The following CPSF4 variants were observed in gnomAD, a reference collection of about 807,000 sequenced individuals.
CPSF4 encodes the protein cleavage and polyadenylation specificity factor subunit 4.
Under a neutral mutation model 37.7 loss-of-function variants are expected in CPSF4, and 11 were observed. The observed-to-expected ratio is 0.29, with a 90% confidence interval of 0.18 to 0.48. The LOEUF is 0.48. Among genes scored for constraint, CPSF4 ranks in the 20% least tolerant of loss-of-function variants. CPSF4 has a pLI of 0.99. For missense variants in CPSF4, 144 were observed against 359.5 expected, an observed-to-expected ratio of 0.40 and a Z score of 4.85; for synonymous variants, 132 against 135.9, an observed-to-expected ratio of 0.97 and a Z score of 0.20.
intron 7 of CPSF4, among the ~76,000 whole-genome samples, chr7:99,456,043 C>G (rs1168002598): frequency 6.6e-6 from 1 of 152,246 alleles, no homozygotes; most frequent in Non-Finnish European, 1.5e-5. Context: ...GGCTTGGTCC[C>G]CAGACGGGGT....
intron 1 of CPSF4, chr7:99,441,575 CTT>C: frequency 2.2e-6 from 1 of 455,572 alleles, no homozygotes; most frequent in South Asian, 1.6e-5. Context: ...AGAACTGTCA[CTT>C]TGCCCATAAG....
chr7:99,439,069 C>T lies in CPSF4; in HGVS notation c.-14C>T. 2 of 1,570,716 alleles carry T rather than the reference C, an allele frequency of 1.3e-6. No homozygotes were observed. The highest frequency in any genetic ancestry group is 1.7e-6 in the Non-Finnish European group (2 of 1,155,040). On this transcript the variant is annotated 5_prime_UTR_variant, in exon 1 of 8. Transcript: ENST00000292476. The stretch of plus-strand genomic sequence containing the variant: ...CCGAGGGGGAGCCGGGCCGGTGGGG[C>T]CGCCGCCGCCGCCATGCAGGAAATC...
intron 1 of CPSF4, 25 bp downstream of exon 1, chr7:99,439,210 G>A (rs1225339296): frequency 1.3e-6 from 2 of 1,554,338 alleles, no homozygotes; most frequent in Admixed American, 1.8e-5. Context: ...CGGGCGGGAG[G>A]GCAAGAGCGA....
chr7:99,442,819 T>C (rs1179653864), intron 1 of CPSF4: 37 of 867,588 alleles, frequency 4.3e-5, no homozygotes, highest in Non-Finnish European at 6.3e-5. Context: ...TTAGTATATA[T>C]GTGACCAAGA....
intron 7 of CPSF4, among the ~76,000 whole-genome samples, chr7:99,455,796 C>T (rs1180625395): frequency 2.6e-5 from 4 of 152,230 alleles, no homozygotes; most frequent in Non-Finnish European, 5.9e-5. Context: ...GCTCCCCTTA[C>T]CCAAGTCTAA....
At chr7:99,442,215 A>C (rs879920340) in intron 1 of CPSF4, among the ~76,000 whole-genome samples, 5 of 152,204 alleles carry the variant, frequency 3.3e-5, no homozygotes, top group Admixed American at 6.5e-5. Context: ...TCTGATGCCA[A>C]GGTCAGTTTA....
At chr7:99,451,386 C>T (rs1223865469) in intron 5 of CPSF4, among the ~76,000 whole-genome samples, 1 of 152,196 alleles carries the variant, frequency 6.6e-6, no homozygotes. Context: ...GAAGGCGGAT[C>T]ACGAGGTCAG....
Position 99,456,555 on chromosome 7 carries a change from A to G in CPSF4, c.*55A>G. On this transcript the variant is annotated 3_prime_UTR_variant, in exon 8 of 8. Transcript: ENST00000292476. ...GGGGGCCCCGCTGTTGGGAGTGTGC[A>G]TTTAACTGTTTCATGCGCTTGTTGG... 1 of 1,471,946 alleles carries G rather than the reference A, an allele frequency of 6.8e-7. No individual in the cohort carries two copies. The allele number at this position is 1,471,946 out of a possible 1,614,324, so 91.2% of individuals were successfully genotyped here.
Position 99,448,054 on chromosome 7 carries a change from T to C in CPSF4, c.155-67T>C. ...TAGGAAGTGAAGGTACCTCAGCTTC[T>C]TCAGGCCGTGTCCCCCAGGCTCAGG... On this transcript the variant is annotated intron_variant, in intron 2 of 7. Coordinates refer to ENST00000292476, the MANE Select transcript of CPSF4 (RefSeq NM_006693.4). The surrounding 1 kb of genome is among the most constrained non-coding windows in gnomAD (Gnocchi z 4.4). 1.3e-6 allele frequency: 2 copies of C among 1,556,426 alleles called. No individual in the cohort carries two copies. Among genetic ancestry groups the C allele is most frequent in the South Asian group, 1.2e-5 (1 of 85,996 alleles).
In CPSF4 at chr7:99,441,493, C is replaced by T. The variant is rs957264586; in HGVS notation, c.103+2308C>T. ...ACTCGCTGCTTGTCCATATCCTGTT[C>T]AGTTAAAGCCTAGTGAGGCCACAGC... is the stretch of plus-strand genomic sequence containing the variant. On this transcript the variant is annotated intron_variant, in intron 1 of 7. Transcript: ENST00000292476. 8 of 456,278 alleles carry T rather than the reference C, an allele frequency of 1.8e-5. No individual in the cohort carries two copies. The Admixed American group carries it at 1.9e-4, about 11-fold the overall frequency. 28.3% of individuals were successfully genotyped at this position (456,278 alleles called of 1,614,324 possible).
rs1248792408 is a variant in CPSF4 at position 99,450,779 on chromosome 7, T to C, written c.481T>C (p.Ser161Pro). 6.2e-7 allele frequency: 1 copy of C among 1,613,390 alleles called. No homozygotes were observed. Among genetic ancestry groups the C allele is most frequent in the Admixed American group, 1.7e-5 (1 of 60,026 alleles). The change falls in exon 5 of 8, where the codon TCG (serine) becomes CCG (proline). Residue 161 changes from serine to proline, a missense_variant. This residue lies in a region of CPSF4 where 86 missense variants were observed against 141.5 expected (regional missense o/e 0.61). Coordinates refer to ENST00000292476, the MANE Select transcript of CPSF4 (RefSeq NM_006693.4). ...YLVGFCPEGPSCKFMHPRFEL... is the reference protein window; with the variant it reads ...YLVGFCPEGPPCKFMHPRFEL... ...CGTGGGATTCTGCCCGGAGGGGCCCTCGTGTAAATTCATGCAGTGAGTAGC... is the reference window on the plus strand; with the variant it reads ...CGTGGGATTCTGCCCGGAGGGGCCCCCGTGTAAATTCATGCAGTGAGTAGC...
chr7:99,456,234 C>G (rs1194358813), intron 7 of CPSF4, among the ~76,000 whole-genome samples, 198 bp from the exon 8 acceptor site: 1 of 152,226 alleles, frequency 6.6e-6, no homozygotes, highest in African/African-American at 2.4e-5. Context: ...AGTTTCTGCA[C>G]CACTGCACTT....
chr7:99,443,379 G>A lies in CPSF4; in HGVS notation c.104-1410G>A, dbSNP rs1797193712. 7.9e-6 allele frequency: 11 copies of A among 1,400,136 alleles called. No homozygotes were observed. In the Admixed American group the frequency reaches 1.7e-4, roughly 21 times the overall value. 86.7% of individuals were successfully genotyped at this position (1,400,136 alleles called of 1,614,324 possible). A position where few individuals can be genotyped will look rare whatever the true frequency, so the allele number is the denominator to read the frequency against. ...CTCTTCAGCATGTTCTTCAAGATAT[G>A]CCTGGAGTCTGTGGATAAGATCTTG... is the stretch of plus-strand genomic sequence containing the variant. On this transcript the variant is annotated intron_variant, in intron 1 of 7. Coordinates refer to ENST00000292476, the MANE Select transcript of CPSF4 (RefSeq NM_006693.4).
At chr7:99,442,305 C>T (rs928373464) in intron 1 of CPSF4, among the ~76,000 whole-genome samples, 5 of 152,086 alleles carry the variant, frequency 3.3e-5, no homozygotes, top group African/African-American at 1.2e-4. Flanking sequence ...CAGCACACTC[C>T]GACTGTGGGA....
intron 1 of CPSF4, among the ~76,000 whole-genome samples, chr7:99,440,235 C>T (rs1796772799): frequency 6.6e-6 from 1 of 151,400 alleles, no homozygotes; most frequent in Non-Finnish European, 1.5e-5. Flanking sequence ...TGTGCTGTCG[C>T]CCACAACTAC....
At chr7:99,456,165 C>T (rs1456371113) in intron 7 of CPSF4, among the ~76,000 whole-genome samples, 2 of 152,224 alleles carry the variant, frequency 1.3e-5, no homozygotes, top group African/African-American at 2.4e-5. Flanking sequence ...AAGAGCAGGT[C>T]GCTAGCAGGT....
intron 7 of CPSF4, among the ~76,000 whole-genome samples, chr7:99,455,006 G>A (rs1039868319): frequency 1.3e-5 from 2 of 152,088 alleles, no homozygotes; most frequent in Non-Finnish European, 2.9e-5. Context: ...AGTGAGCTAT[G>A]ACTGCACCAC....
chr7:99,456,359 C>G, intron 7 of CPSF4, 73 bp from the exon 8 acceptor site: 1 of 1,381,576 alleles, frequency 7.2e-7, no homozygotes, highest in South Asian at 1.2e-5. Context: ...GTGGGCACTC[C>G]CTTAGTTGAA....
chr7:99,442,825 CAAGAAGAATGAG>C lies in CPSF4; in HGVS notation c.104-1962_104-1951del, dbSNP rs1797137082. ...AGACTGCATTTAGTATATATGTGACCAAGAAGAATGAGAGAAGTGGAAAACACTGGAGAACAG... is the reference window on the plus strand; with the variant it reads ...AGACTGCATTTAGTATATATGTGACCAGAAGTGGAAAACACTGGAGAACAG... On this transcript the variant is annotated intron_variant, in intron 1 of 7. Coordinates refer to ENST00000292476, the MANE Select transcript of CPSF4 (RefSeq NM_006693.4). 1.1e-5 allele frequency: 10 copies of C among 899,278 alleles called. No homozygotes were observed. In the South Asian group the frequency reaches 1.3e-4, roughly 12 times the overall value. 55.7% of individuals were successfully genotyped at this position (899,278 alleles called of 1,614,324 possible). A position where few individuals can be genotyped will look rare whatever the true frequency, so the allele number is the denominator to read the frequency against.
Sources: allele counts gnomAD v4.1 joint callset (sites outside exome capture counted in the v4.1 genomes callset), GRCh38; gene constraint gnomAD v4.1.1; regional missense constraint gnomAD v4.1.1; non-coding constraint Gnocchi (gnomAD v3.1); transcripts MANE v1.5; gene names NCBI Gene and HGNC (gene_info 2026-07-23, HGNC 2026-07-21).